Variants in BLTP1 observed in about 807,000 individuals in gnomAD.
BLTP1 encodes the protein fragile site-associated protein.
chr4:122,295,807 C>A, the BLTP1 span, among the ~76,000 whole-genome samples: 1 of 152,292 alleles, frequency 6.6e-6, no homozygotes, highest in Admixed American at 6.5e-5. Context: ...TGCAACTCAT[C>A]ACAGAAACAG....
At chr4:122,210,875 A>G in the BLTP1 span, 1 of 1,596,152 alleles carries the variant, frequency 6.3e-7, no homozygotes, top group Non-Finnish European at 8.5e-7. Flanking sequence ...TTTTTTTCTT[A>G]ATTTATTACA....
chr4:122,227,206 AC>A, the BLTP1 span: 1 of 996,980 alleles, frequency 1.0e-6, no homozygotes. Context: ...TGGTTTGCAG[AC>A]CACTCTGGAC....
chr4:122,164,487 A>G, the BLTP1 span: 1 of 879,444 alleles, frequency 1.1e-6, no homozygotes, highest in Non-Finnish European at 1.4e-6. Flanking sequence ...TTTGGCAGGA[A>G]TATCACAGAA....
At chr4:122,260,755 A>G in the BLTP1 span, among the ~76,000 whole-genome samples, 1 of 152,036 alleles carries the variant, frequency 6.6e-6, no homozygotes, top group African/African-American at 2.4e-5. Flanking sequence ...ATGTGCGAAG[A>G]CATGATGAGT....
the BLTP1 span, among the ~76,000 whole-genome samples, chr4:122,307,004 C>T: frequency 6.6e-6 from 1 of 152,208 alleles, no homozygotes. Context: ...CTTTCATCAG[C>T]TTCTTAAAGT....
chr4:122,360,035 T>G, the BLTP1 span: 1 of 985,420 alleles, frequency 1.0e-6, no homozygotes, highest in South Asian at 4.7e-5. Context: ...GATGTTATTT[T>G]CAGGGTTTGA....
the BLTP1 span, chr4:122,187,750 G>A: frequency 1.0e-6 from 1 of 978,820 alleles, no homozygotes; most frequent in Non-Finnish European, 1.4e-6. Context: ...ATTGACCAGT[G>A]GAATAGTTTA....
the BLTP1 span, chr4:122,197,126 A>G: frequency 1.3e-6 from 1 of 788,992 alleles, no homozygotes; most frequent in Admixed American, 2.9e-5. Flanking sequence ...TGTAATAATA[A>G]CTGAAAAGTA....
chr4:122,240,601 G>T, the BLTP1 span, among the ~76,000 whole-genome samples: 2 of 152,122 alleles, frequency 1.3e-5, no homozygotes, highest in Non-Finnish European at 2.9e-5. Flanking sequence ...TTCTGTGTCT[G>T]CATTATACTC....
the BLTP1 span, chr4:122,225,062 T>G: frequency 1.1e-6 from 1 of 936,722 alleles, no homozygotes; most frequent in Non-Finnish European, 1.3e-6. Flanking sequence ...CTAAGAACTT[T>G]GTTTTCTTAC....
the BLTP1 span, among the ~76,000 whole-genome samples, chr4:122,264,716 GT>G: frequency 1.9e-4 from 29 of 152,340 alleles, no homozygotes; most frequent in African/African-American, 6.7e-4. Context: ...ATACCCTATG[GT>G]TTTTAGTGCT....
At chr4:122,236,372 A>G in the BLTP1 span, among the ~76,000 whole-genome samples, 1 of 152,234 alleles carries the variant, frequency 6.6e-6, no homozygotes, top group South Asian at 2.1e-4. Context: ...GATAAGATAG[A>G]TTGTAATAAT....
chr4:122,338,230 C>G, the BLTP1 span, among the ~76,000 whole-genome samples: 2 of 151,632 alleles, frequency 1.3e-5, no homozygotes, highest in African/African-American at 2.4e-5. Flanking sequence ...GGGTAGATCA[C>G]TTGAGCCTGG....
the BLTP1 span, chr4:122,347,913 A>G: frequency 1.5e-6 from 1 of 663,360 alleles, no homozygotes. Flanking sequence ...AAAAAAAAAA[A>G]AAATCCCCAA....
the BLTP1 span, chr4:122,246,504 T>G: frequency 1.7e-6 from 1 of 592,674 alleles, no homozygotes; most frequent in African/African-American, 2.0e-5. Flanking sequence ...ATGTTCCACA[T>G]CCATCCAGTA....
the BLTP1 span, chr4:122,247,844 A>G: frequency 6.1e-6 from 6 of 981,844 alleles, no homozygotes; most frequent in African/African-American, 1.7e-5. Context: ...TAGAGCTGTT[A>G]TACATCATTT....
At chr4:122,219,557 G>A in the BLTP1 span, 51 of 1,612,646 alleles carry the variant, frequency 3.2e-5, no homozygotes, top group African/African-American at 6.7e-5. Context: ...GTTCATGGGC[G>A]TCTTCCTGTT....
chr4:122,349,621 A>G, the BLTP1 span: 40 of 1,604,656 alleles, frequency 2.5e-5, no homozygotes, highest in Non-Finnish European at 2.8e-5. This position sits in a 1 kb window ranked among gnomAD's most constrained non-coding sequence, Gnocchi z 4.5. Context: ...AATACATTGG[A>G]TTCAAGCATA....
At chr4:122,243,505 C>T in the BLTP1 span, 1 of 855,068 alleles carries the variant, frequency 1.2e-6, no homozygotes, top group East Asian at 1.2e-4. Flanking sequence ...TTTTGGGAGG[C>T]CATGGCTGGC....
Sources: gnomAD v4.1 joint callset for allele counts (sites outside exome capture counted in the v4.1 genomes callset) on GRCh38, gnomAD v4.1.1 for gene constraint, Gnocchi (gnomAD v3.1) non-coding constraint, MANE v1.5 for transcripts, NCBI Gene and HGNC (gene_info 2026-07-23, HGNC 2026-07-21) for gene names.